Variants in GLIS1 observed in about 807,000 individuals in gnomAD.
GLIS1 encodes the protein zinc finger protein GLIS1.
GLIS1 carries 24 observed loss-of-function variants against 63.8 expected under a neutral mutation model. The ratio of observed to expected loss-of-function variants is 0.38; its 90% CI spans 0.27 to 0.53. The LOEUF is 0.53. Among genes scored for constraint, GLIS1 ranks in the 20% least tolerant of loss-of-function variants. GLIS1 has a pLI of 0.85. For synonymous variants in GLIS1, 450 were observed against 482.5 expected, an observed-to-expected ratio of 0.93 and a Z score of 0.88; for missense variants, 1,036 against 1,074.1, an observed-to-expected ratio of 0.96 and a Z score of 0.50.
In GLIS1 at chr1:53,514,338, G is replaced by A. The variant is rs149379520; in HGVS notation, c.1883+287C>T. On this transcript the variant is annotated intron_variant, in intron 8 of 10. Transcript: ENST00000628545. The stretch of plus-strand genomic sequence containing the variant: ...TGTGGCAGCCCAGAATGCAGGGGTC[G>A]CTGGGAGGGGCCACAGCATTTTCCC... 1.1e-4 allele frequency among the ~76,000 whole-genome samples: 16 copies of A among 152,292 alleles called. No individual in the cohort carries two copies. The East Asian group carries it at 2.5e-3, about 24-fold the overall frequency.
intron 2 of GLIS1, among the ~76,000 whole-genome samples, chr1:53,651,280 G>C (rs1049300839): frequency 6.6e-6 from 1 of 152,130 alleles, no homozygotes; most frequent in Non-Finnish European, 1.5e-5. Flanking sequence ...AACAAGGTTC[G>C]CATTTTAAAA....
intron 2 of GLIS1, among the ~76,000 whole-genome samples, chr1:53,710,570 T>C (rs1646636215): frequency 6.6e-6 from 1 of 152,244 alleles, no homozygotes; most frequent in Non-Finnish European, 1.5e-5. Context: ...TCATTCTTCA[T>C]GGGGACAATA....
In GLIS1 at chr1:53,733,920, C is replaced by T. The variant is rs1410966601; in HGVS notation, c.259+3886G>A. ...CACTCATACCTTTCTATGAGGGATG[C>T]GCTAGCCTTCCAAGGCCTCCCCAGA... On this transcript the variant is annotated intron_variant, in intron 2 of 10. Transcript: ENST00000628545. 11 of 985,180 alleles carry T rather than the reference C, an allele frequency of 1.1e-5. No individual in the cohort carries two copies. The Admixed American group carries it at 5.5e-4, about 50-fold the overall frequency. The allele number at this position is 985,180 out of a possible 1,614,324, so 61.0% of individuals were successfully genotyped here.
At position 53,574,876 on chromosome 1, in the gene GLIS1, G is replaced by A. The variant is rs535037502; in HGVS notation, c.1320+19232C>T. On this transcript the variant is annotated intron_variant, in intron 4 of 10. Transcript: ENST00000628545. This position sits in a 1 kb window ranked among gnomAD's most constrained non-coding sequence, Gnocchi z 4.2. ...CGTTGGAGGGAGGATGTCTTCCCTC[G>A]CCCACAGTCAGGCTCCTTCACAGCA... 4.6e-5 allele frequency among the ~76,000 whole-genome samples: 7 copies of A among 152,202 alleles called. No homozygotes were observed. The highest frequency in any genetic ancestry group is 3.9e-4 in the East Asian group (2 of 5,172).
chr1:53,514,421 G>A (rs183475641), intron 8 of GLIS1, among the ~76,000 whole-genome samples: 2 of 152,156 alleles, frequency 1.3e-5, no homozygotes, highest in Non-Finnish European at 2.9e-5. Context: ...AAGCCAGTAC[G>A]GTCTACTCAG....
chr1:53,670,752 T>A (rs2100394626), intron 2 of GLIS1, among the ~76,000 whole-genome samples: 1 of 152,368 alleles, frequency 6.6e-6, no homozygotes, highest in South Asian at 2.1e-4. Context: ...CCTCCCTGAC[T>A]GTGCCCTGCC....
At chr1:53,528,547 TC>T (rs532124095) in intron 5 of GLIS1, among the ~76,000 whole-genome samples, 1 of 151,604 alleles carries the variant, frequency 6.6e-6, no homozygotes, top group Non-Finnish European at 1.5e-5. Flanking sequence ...ATACAGAGTG[TC>T]CCCCCCAGGG....
intron 2 of GLIS1, among the ~76,000 whole-genome samples, chr1:53,697,444 G>C (rs535969326): frequency 1.3e-5 from 2 of 152,014 alleles, no homozygotes; most frequent in African/African-American, 4.8e-5. Flanking sequence ...ATGGTTCAGT[G>C]CCACCCCCCC....
At chr1:53,531,568 G>A (rs1466280755) in intron 4 of GLIS1, among the ~76,000 whole-genome samples, 2 of 152,210 alleles carry the variant, frequency 1.3e-5, no homozygotes, top group Admixed American at 1.3e-4. Flanking sequence ...GGGACAGACT[G>A]GCTCCAGTCT....
At chr1:53,519,726 C>G (rs1199368677) in intron 7 of GLIS1, among the ~76,000 whole-genome samples, 1 of 152,148 alleles carries the variant, frequency 6.6e-6, no homozygotes, top group Admixed American at 6.5e-5. Flanking sequence ...GTTGGAGGGG[C>G]CCGCAGAGTC....
chr1:53,706,919 T>G (rs72660674), intron 2 of GLIS1, among the ~76,000 whole-genome samples: 3,189 of 152,272 alleles, frequency 0.021, 47 homozygotes, highest in Middle Eastern at 0.037. Flanking sequence ...GAAAAGCCCT[T>G]CAACAAAAGA....
intron 2 of GLIS1, among the ~76,000 whole-genome samples, chr1:53,698,527 C>T (rs550233448): frequency 9.2e-5 from 14 of 152,212 alleles, no homozygotes; most frequent in Non-Finnish European, 1.6e-4. Flanking sequence ...TCCAAGCACG[C>T]GCCACTGCTT....
intron 2 of GLIS1, among the ~76,000 whole-genome samples, chr1:53,631,914 A>G (rs1235924025): frequency 1.3e-5 from 2 of 152,160 alleles, no homozygotes; most frequent in African/African-American, 4.8e-5. Context: ...GGAGCAAGCC[A>G]TAGAGCAAGA....
chr1:53,694,222 G>C (rs1646439971), intron 2 of GLIS1, among the ~76,000 whole-genome samples: 1 of 152,192 alleles, frequency 6.6e-6, no homozygotes, highest in South Asian at 2.1e-4. Flanking sequence ...CAAATGGAGG[G>C]GGTGGGCCCT....
At chr1:53,595,443 C>A (rs1557471151) in intron 3 of GLIS1, among the ~76,000 whole-genome samples, 1 of 152,240 alleles carries the variant, frequency 6.6e-6, no homozygotes, top group East Asian at 1.9e-4. Flanking sequence ...TTGCTTGAGC[C>A]CAGGAGGTTG....
intron 2 of GLIS1, among the ~76,000 whole-genome samples, chr1:53,602,645 G>A (rs1645330064): frequency 6.6e-6 from 1 of 152,182 alleles, no homozygotes; most frequent in African/African-American, 2.4e-5. Flanking sequence ...CCATCCCTGT[G>A]GGGCAGGGGC....
chr1:53,530,142 G>A (rs1644514757), intron 4 of GLIS1, among the ~76,000 whole-genome samples, 190 bp from the exon 5 acceptor site: 1 of 152,218 alleles, frequency 6.6e-6, no homozygotes, highest in Admixed American at 6.5e-5. Context: ...GGCCTGGTGA[G>A]TCCAGAAAAA....
Position 53,650,345 on chromosome 1 carries a change from T to C in GLIS1, c.260-50067A>G, listed in dbSNP as rs181399883. ...TGGCTCACACCTGTAATCAAAGCACTTTGGGAGGCTGAGGCAGGTGGATCA... is the reference window on the plus strand; with the variant it reads ...TGGCTCACACCTGTAATCAAAGCACCTTGGGAGGCTGAGGCAGGTGGATCA... On this transcript the variant is annotated intron_variant, in intron 2 of 10. Coordinates refer to ENST00000628545, the MANE Select transcript of GLIS1 (RefSeq NM_001367484.1). Among the ~76,000 whole-genome samples the C allele has an allele frequency of 7.2e-3, 1,100 of 152,140 alleles. 11 individuals carry two copies. Among genetic ancestry groups the C allele is most frequent in the African/African-American group, 0.025 (1,049 of 41,498 alleles).
chr1:53,726,920 GCTCTCCA>G (rs1646811425), intron 2 of GLIS1, among the ~76,000 whole-genome samples: 1 of 152,224 alleles, frequency 6.6e-6, no homozygotes, highest in Non-Finnish European at 1.5e-5. Context: ...ACCTAGCCCA[GCTCTCCA>G]CTCACAAAGA....
Sources: allele counts gnomAD v4.1 joint callset (sites outside exome capture counted in the v4.1 genomes callset), GRCh38; gene constraint gnomAD v4.1.1; non-coding constraint Gnocchi (gnomAD v3.1); transcripts MANE v1.5; gene names NCBI Gene and HGNC (gene_info 2026-07-23, HGNC 2026-07-21).